CACNA1H: variants seen among roughly 807,000 people sequenced by gnomAD.
CACNA1H encodes voltage-dependent T-type calcium channel subunit alpha-1H.
CACNA1H carries 149 observed loss-of-function variants against 192.5 expected under a neutral mutation model. The ratio of observed to expected loss-of-function variants is 0.77; its 90% CI spans 0.68 to 0.89. The LOEUF is 0.89. Ranked by LOEUF, CACNA1H falls within the 40% of genes least tolerant of loss-of-function variation. The pLI, the probability that CACNA1H is intolerant of heterozygous loss-of-function variation, is 0.00. For synonymous variants in CACNA1H, 2,202 were observed against 1,475.2 expected (o/e 1.49, Z -11.29); for missense variants, 4,257 against 3,423.5 (o/e 1.24, Z -6.08).
At position 1,153,791 on chromosome 16, in the gene CACNA1H, GC is replaced by G. The variant is rs1432849359; in HGVS notation, c.59del (p.Pro20LeufsTer86). ...DEVRVPLGAPPPGPAALVGAS... is the reference protein window; with the variant it reads ...DEVRVPLGAPXPGPAALVGAS... Reference sequence around the variant, plus strand: ...AGGTCCGGGTGCCCCTGGGCGCGCCGCCCCCTGGCCCTGCGGCGTTGGTGGG... The same window carrying G: ...AGGTCCGGGTGCCCCTGGGCGCGCCGCCCCTGGCCCTGCGGCGTTGGTGGG... On this transcript the variant is annotated frameshift_variant, in exon 2 of 35. Coordinates refer to ENST00000348261, the MANE Select transcript of CACNA1H (RefSeq NM_021098.3). LOFTEE classifies it high-confidence loss of function. The G allele has an allele frequency of 4.1e-6, 5 of 1,229,638 alleles. No individual in the cohort carries two copies. The highest frequency in any genetic ancestry group is 6.7e-5 in the South Asian group (2 of 29,726). The allele number at this position is 1,229,638 out of a possible 1,614,324, so 76.2% of individuals were successfully genotyped here.
chr16:1,171,531 G>T (rs1964368040), intron 2 of CACNA1H, among the ~76,000 whole-genome samples: 1 of 152,240 alleles, frequency 6.6e-6, no homozygotes, highest in Admixed American at 6.5e-5. Flanking sequence ...TGGGGGTCAG[G>T]GTGGGTTTTA....
intron 2 of CACNA1H, among the ~76,000 whole-genome samples, chr16:1,177,232 G>T (rs1373413349): frequency 6.6e-6 from 1 of 152,176 alleles, no homozygotes; most frequent in East Asian, 1.9e-4. Flanking sequence ...TCCACCAGGG[G>T]CTGCTGTCCC....
At position 1,212,250 on chromosome 16, in the gene CACNA1H, C is replaced by T. The variant is rs111445373; in HGVS notation, c.4759+112C>T. Reference sequence around the variant, plus strand: ...CTCCCCGAATGGCTCTGCACGCCACCCGCCTTGCCTGGGCCTGCATGGGGG... The same window carrying T: ...CTCCCCGAATGGCTCTGCACGCCACTCGCCTTGCCTGGGCCTGCATGGGGG... On this transcript the variant is annotated intron_variant, in intron 25 of 34. Transcript: ENST00000348261. 9.2e-6 allele frequency: 13 copies of T among 1,418,322 alleles called. No individual in the cohort carries two copies. The South Asian group carries it at 9.9e-5, about 11-fold the overall frequency. The allele number at this position is 1,418,322 out of a possible 1,614,324, so 87.9% of individuals were successfully genotyped here.
In CACNA1H at chr16:1,204,006, G is replaced by A. The variant is rs778702970; in HGVS notation, c.2003-4G>A. On this transcript the variant is annotated splice_polypyrimidine_tract_variant and splice_region_variant and intron_variant, in intron 9 of 34. Transcript: ENST00000348261. ...CCTGCCCCTGTCTGTGCCCTCTCCC[G>A]CAGGACTGGGCCAGGCCCCTGGCCA... 114 of 1,534,076 alleles carry A rather than the reference G, an allele frequency of 7.4e-5. No individual in the cohort carries two copies. In the Middle Eastern group the frequency reaches 8.5e-4, roughly 11 times the overall value.
intron 2 of CACNA1H, among the ~76,000 whole-genome samples, chr16:1,185,281 C>T (rs901923400): frequency 1.4e-4 from 21 of 152,326 alleles, no homozygotes; most frequent in African/African-American, 5.1e-4. Context: ...GTTTCCATCA[C>T]AGGCCATCGG....
Position 1,220,502 on chromosome 16 carries a change from C to G in CACNA1H, c.6570C>G (p.Pro2190=). Residue 2190 remains proline, a synonymous_variant, in exon 35 of 35, where the codon CCC becomes CCG. Coordinates refer to ENST00000348261, the MANE Select transcript of CACNA1H (RefSeq NM_021098.3). The stretch of plus-strand genomic sequence containing the variant: ...GCAGAAAGAAGAAGATGAGCCCCCC[C>G]TGCATCTCGGTGGAACCCCCTGCGG... ...GARRKKKMSP[P]CISVEPPAED... The G allele has an allele frequency of 6.5e-7, 1 of 1,542,222 alleles. No homozygotes were observed. Among genetic ancestry groups the G allele is most frequent in the Non-Finnish European group, 8.7e-7 (1 of 1,153,002 alleles).
In CACNA1H at chr16:1,211,738, TGTCATCCAAGGA is replaced by T; in HGVS notation, c.4500_4511del (p.Ser1501_Asp1504del). The T allele has an allele frequency of 1.2e-6, 2 of 1,612,666 alleles. No homozygotes were observed. The highest frequency in any genetic ancestry group is 8.5e-7 in the Non-Finnish European group (1 of 1,179,708). On this transcript the variant is annotated inframe_deletion, in exon 24 of 35. Coordinates refer to ENST00000348261, the MANE Select transcript of CACNA1H (RefSeq NM_021098.3). Reference sequence around the variant, plus strand: ...CAGGCCCTGATGTCGCTGTTCGTGCTGTCATCCAAGGATGGATGGGTGAACATCATGTACGAC... The same window carrying T: ...CAGGCCCTGATGTCGCTGTTCGTGCTTGGATGGGTGAACATCATGTACGAC...
At chr16:1,157,345 A>G (rs1345335098) in intron 2 of CACNA1H, among the ~76,000 whole-genome samples, 2 of 152,176 alleles carry the variant, frequency 1.3e-5, no homozygotes, top group African/African-American at 2.4e-5. Flanking sequence ...ATGGGGAAGG[A>G]TATATCAAGG....
chr16:1,172,882 G>T (rs887655462), intron 2 of CACNA1H, among the ~76,000 whole-genome samples: 1 of 152,070 alleles, frequency 6.6e-6, no homozygotes, highest in Non-Finnish European at 1.5e-5. Flanking sequence ...TCAGGGCCAG[G>T]ACAGCCCCGT....
At position 1,200,621 on chromosome 16, in the gene CACNA1H, G is replaced by C. The variant is rs753602746; in HGVS notation, c.1119+50G>C. 3.1e-6 allele frequency: 5 copies of C among 1,601,844 alleles called. No individual in the cohort carries two copies. In the South Asian group the frequency reaches 4.4e-5, roughly 14 times the overall value. The stretch of plus-strand genomic sequence containing the variant: ...GGACCCTGGGGCACGGCAGGGGAGC[G>C]GGTGCAGGACTCGCCCCCCCCAGCC... On this transcript the variant is annotated intron_variant, in intron 7 of 34. Transcript: ENST00000348261.
chr16:1,213,708 G>T lies in CACNA1H; in HGVS notation c.4778-72G>T, dbSNP rs1969726078. On this transcript the variant is annotated intron_variant, in intron 26 of 34. Coordinates refer to ENST00000348261, the MANE Select transcript of CACNA1H (RefSeq NM_021098.3). ...CCCTACACTTGGCCACCTAGGAGGA[G>T]AATGGAGTCTGCAGGAGCCAGGAGC... The T allele has an allele frequency of 3.2e-6, 4 of 1,234,938 alleles. No individual in the cohort carries two copies. The South Asian group carries it at 6.4e-5, about 20-fold the overall frequency. 76.5% of individuals were successfully genotyped at this position (1,234,938 alleles called of 1,614,324 possible).
In CACNA1H at chr16:1,189,397, CTTTTTTTTTTTTTTTT is replaced by C. The variant is rs3990780; in HGVS notation, c.300-5553_300-5538del. 3.2e-3 allele frequency among the ~76,000 whole-genome samples: 143 copies of C among 45,032 alleles called. 1 individual carries two copies. Among genetic ancestry groups the C allele is most frequent in the African/African-American group, 5.7e-3 (102 of 18,018 alleles). 29.5% of individuals were successfully genotyped at this position (45,032 alleles called of 152,430 possible). ...CCTGGCAGGTGCCCTGAAGAGTGTC[CTTTTTTTTTTTTTTTT>C]TTTTTTTTTTTTTTTTTTTTTGATA... On this transcript the variant is annotated intron_variant, in intron 2 of 34. Transcript: ENST00000348261.
chr16:1,185,711 CGT>C (rs1965957372), intron 2 of CACNA1H, among the ~76,000 whole-genome samples: 1 of 12,500 alleles, frequency 8.0e-5, no homozygotes, highest in Non-Finnish European at 1.9e-4. Flanking sequence ...GGTCGGCGTG[CGT>C]AGGGGCCGGA....
chr16:1,172,056 C>T (rs1305628244), intron 2 of CACNA1H, among the ~76,000 whole-genome samples: 1 of 150,856 alleles, frequency 6.6e-6, no homozygotes, highest in Non-Finnish European at 1.5e-5. Flanking sequence ...TCCCCAGCAG[C>T]CTTCACTGAA....
chr16:1,210,871 T>G lies in CACNA1H; in HGVS notation c.4123T>G (p.Ser1375Ala). The G allele has an allele frequency of 6.2e-7, 1 of 1,605,626 alleles. No homozygotes were observed. The highest frequency in any genetic ancestry group is 1.7e-5 in the Admixed American group (1 of 60,016). ...GCTGGATGGGCTGCTGGTGCTGGTG[T>G]CCCTGGTGGACATTGTCGTGGCCAT... is the stretch of plus-strand genomic sequence containing the variant. Reference protein sequence around the residue: ...NLLDGLLVLVSLVDIVVAMAS... With the variant: ...NLLDGLLVLVALVDIVVAMAS... The change falls in exon 21 of 35, where the codon TCC becomes GCC. Residue 1375 changes from serine to alanine, a missense_variant. Coordinates refer to ENST00000348261, the MANE Select transcript of CACNA1H (RefSeq NM_021098.3).
chr16:1,199,620 C>T (rs1466487542), intron 6 of CACNA1H, among the ~76,000 whole-genome samples: 2 of 150,846 alleles, frequency 1.3e-5, no homozygotes, highest in Admixed American at 6.6e-5. Flanking sequence ...CCCCTCGGCC[C>T]TTGCTCTGCA....
At chr16:1,153,595 C>A (rs894201737) in intron 1 of CACNA1H, 125 bp downstream of exon 1, 3 of 478,622 alleles carry the variant, frequency 6.3e-6, no homozygotes, top group Admixed American at 1.0e-4. Context: ...GCGGGGGGCG[C>A]GTTTGTCTCT....
At position 1,200,302 on chromosome 16, in the gene CACNA1H, G is replaced by A. The variant is rs1015994058; in HGVS notation, c.850G>A (p.Gly284Ser). 7 of 1,606,626 alleles carry A rather than the reference G, an allele frequency of 4.4e-6. No homozygotes were observed. Among genetic ancestry groups the A allele is most frequent in the South Asian group, 2.2e-5 (2 of 90,040 alleles). Residue 284 changes from glycine to serine, a missense_variant, in exon 7 of 35, where the codon GGC (glycine) becomes AGC (serine). Gly to Ser is a moderately conservative substitution (Grantham distance 56). Transcript: ENST00000348261. Reference sequence around the variant, plus strand: ...GCGGCCGTACTACCAGACGGAGGAGGGCGAGGAGAACCCGTTCATCTGCTC... The same window carrying A: ...GCGGCCGTACTACCAGACGGAGGAGAGCGAGGAGAACCCGTTCATCTGCTC... Reference protein sequence around the residue: ...FLRPYYQTEEGEENPFICSSR... With the variant: ...FLRPYYQTEESEENPFICSSR...
In CACNA1H at chr16:1,208,054, C is replaced by T. The variant is rs2141316274; in HGVS notation, c.3196C>T (p.Leu1066=). The T allele has an allele frequency of 1.2e-6, 2 of 1,607,376 alleles. No homozygotes were observed. The highest frequency in any genetic ancestry group is 1.3e-5 in the African/African-American group (1 of 74,904). Residue 1066 remains leucine (L), a synonymous_variant, in exon 16 of 35, where the codon CTG becomes TTG. Transcript: ENST00000348261. ...CSLAVTPNGH[L]EGRGSLSPPL... ...CCTGGCCGTGACCCCCAACGGGCAC[C>T]TGGAGGGACGAGGCAGCCTGTCCCC...
Sources: gnomAD v4.1 joint callset for allele counts (sites outside exome capture counted in the v4.1 genomes callset) on GRCh38, gnomAD v4.1.1 for gene constraint, MANE v1.5 for transcripts, NCBI Gene and HGNC (gene_info 2026-07-23, HGNC 2026-07-21) for gene names.